Variants in ZNF764 observed in about 807,000 individuals in gnomAD.
ZNF764 encodes zinc finger protein 764.
A neutral mutation model predicts 13.9 loss-of-function variants in ZNF764; 10 were observed. The observed-to-expected ratio is 0.72, with a 90% CI of 0.44 to 1.22. ZNF764 has a LOEUF of 1.22. Ranked by LOEUF, ZNF764 falls within the 50% of genes most tolerant of loss-of-function variation. The pLI, the probability that ZNF764 is intolerant of heterozygous loss-of-function variation, is 0.00. For synonymous variants in ZNF764, 313 were observed against 255.1 expected (o/e 1.23, Z -2.16); for missense variants, 647 against 589.7 (o/e 1.10, Z -1.01).
chr16:30,556,639 G>A (rs2051558720), intron 2 of ZNF764, among the ~76,000 whole-genome samples: 1 of 151,130 alleles, frequency 6.6e-6, no homozygotes, highest in Non-Finnish European at 1.5e-5. Flanking sequence ...AGAGAAGGAG[G>A]ATCAGCCTAG....
Position 30,555,386 on chromosome 16 carries a change from G to A in ZNF764, c.1032C>T (p.Cys344=). The change falls in exon 3 of 3, where the codon TGC becomes TGT. Residue 344 remains cysteine, a synonymous_variant. Coordinates refer to ENST00000395091, the MANE Select transcript of ZNF764 (RefSeq NM_001172679.2). ...RTHSGEKPYP[C]PQCGRRFGQK... ...GGCCAAAGCGGCGGCCGCACTGCGG[G>A]CAGGGGTAGGGCTTCTCGCCGCTGT... The A allele has an allele frequency of 6.3e-7, 1 of 1,584,074 alleles. No individual in the cohort carries two copies. The highest frequency in any genetic ancestry group is 1.3e-5 in the African/African-American group (1 of 74,082).
chr16:30,555,429 G>A lies in ZNF764; in HGVS notation c.989C>T (p.Ala330Val). Residue 330 changes from alanine to valine, a missense_variant, in exon 3 of 3, where the codon GCA (alanine) becomes GTA (valine). Transcript: ENST00000395091. ...GRCFRQSSEM[A>V]AHRRTHSGEK... The stretch of plus-strand genomic sequence containing the variant: ...GCCGCTGTGGGTGCGCCTGTGGGCT[G>A]CCATCTCCGAGCTCTGGCGGAAGCA... The A allele has an allele frequency of 2.6e-6, 4 of 1,557,018 alleles. No homozygotes were observed. Among genetic ancestry groups the A allele is most frequent in the Non-Finnish European group, 3.5e-6 (4 of 1,147,322 alleles).
Position 30,555,920 on chromosome 16 carries a change from A to AG in ZNF764, c.497dup (p.Val167CysfsTer5). On this transcript the variant is annotated frameshift_variant, in exon 3 of 3. Transcript: ENST00000395091. LOFTEE classifies it low-confidence loss of function (END_TRUNC). ...CATGACGCTGGTCAGCTCGGGGGAC[A>AG]GGGGGGTGGGCACAGAGGGAGGGGC... 7.9e-7 allele frequency: 1 copy of AG among 1,266,244 alleles called. No homozygotes were observed. Among genetic ancestry groups the AG allele is most frequent in the Non-Finnish European group, 1.1e-6 (1 of 911,578 alleles). The allele number at this position is 1,266,244 out of a possible 1,614,324, so 78.4% of individuals were successfully genotyped here.
In ZNF764 at chr16:30,555,079, C is replaced by A. The variant is rs977340647; in HGVS notation, c.*115G>T. ...GCCCAAGATCAGACTGTCCGCACCCCAGGGCCAGCTCTTGCCCTAGATTCT... is the reference window on the plus strand; with the variant it reads ...GCCCAAGATCAGACTGTCCGCACCCAAGGGCCAGCTCTTGCCCTAGATTCT... On this transcript the variant is annotated 3_prime_UTR_variant, in exon 3 of 3. Transcript: ENST00000395091. The A allele has an allele frequency of 7.8e-6, 10 of 1,285,870 alleles. No homozygotes were observed. In the Admixed American group the frequency reaches 1.8e-4, roughly 23 times the overall value. 79.7% of individuals were successfully genotyped at this position (1,285,870 alleles called of 1,614,324 possible). A position where few individuals can be genotyped will look rare whatever the true frequency, so the allele number is the denominator to read the frequency against.
rs1192911310 is a variant in ZNF764 at position 30,554,926 on chromosome 16, T to A, written c.*268A>T. Reference sequence around the variant, plus strand: ...CTCAGTCCTCTTAGCACCTCTGGGCTGAGAAACAGCTTTTGGTTCCCCTTA... The same window carrying A: ...CTCAGTCCTCTTAGCACCTCTGGGCAGAGAAACAGCTTTTGGTTCCCCTTA... On this transcript the variant is annotated 3_prime_UTR_variant, in exon 3 of 3. Transcript: ENST00000395091. The A allele has an allele frequency of 2.2e-6, 1 of 459,320 alleles. No individual in the cohort carries two copies. Among genetic ancestry groups the A allele is most frequent in the East Asian group, 3.6e-5 (1 of 28,092 alleles). The allele number at this position is 459,320 out of a possible 1,614,324, so 28.5% of individuals were successfully genotyped here.
chr16:30,554,970 C>G lies in ZNF764; in HGVS notation c.*224G>C, dbSNP rs898038312. The stretch of plus-strand genomic sequence containing the variant: ...CCCCTTATGTAGGTCTGGGGGTTCT[C>G]AACTCAGCCCTGCCTCAGTAGAGGG... On this transcript the variant is annotated 3_prime_UTR_variant, in exon 3 of 3. Coordinates refer to ENST00000395091, the MANE Select transcript of ZNF764 (RefSeq NM_001172679.2). 1.3e-5 allele frequency: 7 copies of G among 542,128 alleles called. No individual in the cohort carries two copies. The highest frequency in any genetic ancestry group is 2.2e-5 in the Non-Finnish European group (7 of 318,478). The allele number at this position is 542,128 out of a possible 1,614,324, so 33.6% of individuals were successfully genotyped here. A position where few individuals can be genotyped will look rare whatever the true frequency, so the allele number is the denominator to read the frequency against.
At position 30,555,785 on chromosome 16, in the gene ZNF764, G is replaced by T; in HGVS notation, c.633C>A (p.Phe211Leu). The change falls in exon 3 of 3, where the codon TTC becomes TTA. Residue 211 changes from phenylalanine (F) to leucine (L), a missense_variant. Phe to Leu is a conservative substitution (Grantham distance 22). Coordinates refer to ENST00000395091, the MANE Select transcript of ZNF764 (RefSeq NM_001172679.2). ...GTTTGCTCAGGGAGGAAGCGTGGCC[G>T]AAGCCCTTGCCGCAGTCAGTGCAGT... ...PFHCTDCGKG[F>L]GHASSLSKHR... 1 of 1,610,084 alleles carries T rather than the reference G, an allele frequency of 6.2e-7. No individual in the cohort carries two copies. Among genetic ancestry groups the T allele is most frequent in the South Asian group, 1.1e-5 (1 of 90,886 alleles).
At position 30,555,995 on chromosome 16, in the gene ZNF764, G is replaced by C. The variant is rs1300345070; in HGVS notation, c.423C>G (p.Ala141=). 1.2e-6 allele frequency: 2 copies of C among 1,612,312 alleles called. No homozygotes were observed. Among genetic ancestry groups the C allele is most frequent in the Non-Finnish European group, 1.7e-6 (2 of 1,180,000 alleles). ...GCTGCTCCCAACCATAAGGGGGCCC[G>C]GCCGAGGGGGCTTGGGGAGACTTCA... is the stretch of plus-strand genomic sequence containing the variant. ...PGLKSPQAPS[A]GPPYGWEQLS... is the part of the protein sequence containing the mutation. Residue 141 remains alanine, a synonymous_variant, in exon 3 of 3, where the codon GCC becomes GCG. Transcript: ENST00000395091.
Position 30,557,973 on chromosome 16 carries a change from G to A in ZNF764, c.196+14C>T. ...TGGGGGCGCAGGGCTCAGGCGAGCA[G>A]GTGGGGCTCTCACCGAGAGCGCTCA... is the stretch of plus-strand genomic sequence containing the variant. On this transcript the variant is annotated intron_variant, in intron 1 of 2. Coordinates refer to ENST00000395091, the MANE Select transcript of ZNF764 (RefSeq NM_001172679.2). 6.3e-7 allele frequency: 1 copy of A among 1,592,286 alleles called. No individual in the cohort carries two copies. The highest frequency in any genetic ancestry group is 8.5e-7 in the Non-Finnish European group (1 of 1,170,248).
rs1271568307 is a variant in ZNF764, at chr16:30,555,659, G to T, written c.759C>A (p.Thr253=). The T allele has an allele frequency of 6.5e-6, 10 of 1,546,072 alleles. No homozygotes were observed. The East Asian group carries it at 2.4e-4, about 37-fold the overall frequency. The change falls in exon 3 of 3, where the codon ACC becomes ACA. Residue 253 remains threonine, a synonymous_variant. Transcript: ENST00000395091. Reference sequence around the variant, plus strand: ...CGGCGCAGCCATAGGGTTTCTCGCCGGTGTGGACGCGCAGGTGCGAAGTCA... The same window carrying T: ...CGGCGCAGCCATAGGGTTTCTCGCCTGTGTGGACGCGCAGGTGCGAAGTCA... The part of the protein sequence containing the change: ...SALTSHLRVH[T]GEKPYGCADC...
Position 30,557,781 on chromosome 16 carries a change from C to T in ZNF764, c.262G>A (p.Ala88Thr), listed in dbSNP as rs2051569500. 1.2e-6 allele frequency: 2 copies of T among 1,613,344 alleles called. No individual in the cohort carries two copies. The highest frequency in any genetic ancestry group is 2.2e-5 in the East Asian group (1 of 44,850). The part of the protein sequence containing the change: ...VEEEAELWGP[A>T]AQDPEVAKCQ... ...TTCGCCACCTCCGGATCCTGGGCAG[C>T]CGGACCCCACAGTTCGGCCTCCTCC... Residue 88 changes from alanine (A) to threonine (T), a missense_variant, in exon 2 of 3, where the codon GCT becomes ACT. Coordinates refer to ENST00000395091, the MANE Select transcript of ZNF764 (RefSeq NM_001172679.2).
At chr16:30,557,597 G>C in intron 2 of ZNF764, 136 bp downstream of exon 2, 1 of 1,314,056 alleles carries the variant, frequency 7.6e-7, no homozygotes, top group East Asian at 2.5e-5. Flanking sequence ...GCCACGCAGG[G>C]GCTCAGCCTC....
chr16:30,555,496 GGGTGCGCACGTGGCGCCGCA>G lies in ZNF764; in HGVS notation c.902_921del (p.Leu301ProfsTer109). On this transcript the variant is annotated frameshift_variant, in exon 3 of 3. Coordinates refer to ENST00000395091, the MANE Select transcript of ZNF764 (RefSeq NM_001172679.2). LOFTEE classifies it low-confidence loss of function (END_TRUNC). ...CACGGGTAGGGCTTCTCGCCGGTGT[GGGTGCGCACGTGGCGCCGCA>G]GGTCCGAGGGGTAGGCGAAGGCGCG... is the stretch of plus-strand genomic sequence containing the variant. 6.5e-7 allele frequency: 1 copy of G among 1,543,344 alleles called. No homozygotes were observed.
rs758757267 is a variant in ZNF764 at position 30,555,344 on chromosome 16, G to A, written c.1074C>T (p.Ala358=). The part of the protein sequence containing the change: ...GRRFGQKSAV[A]KHQWVHRPGA... ...CGGGCCGATGAACCCACTGGTGTTT[G>A]GCCACGGCTGACTTCTGGCCAAAGC... is the stretch of plus-strand genomic sequence containing the variant. Residue 358 remains alanine (A), a synonymous_variant, in exon 3 of 3, where the codon GCC becomes GCT. Transcript: ENST00000395091. The A allele has an allele frequency of 4.9e-5, 78 of 1,606,676 alleles. No individual in the cohort carries two copies. Among genetic ancestry groups the A allele is most frequent in the Non-Finnish European group, 6.3e-5 (74 of 1,176,820 alleles).
In ZNF764 at chr16:30,557,967, C is replaced by G; in HGVS notation, c.196+20G>C. On this transcript the variant is annotated intron_variant, in intron 1 of 2. Transcript: ENST00000395091. ...GGCCTGTGGGGGCGCAGGGCTCAGGCGAGCAGGTGGGGCTCTCACCGAGAG... is the reference window on the plus strand; with the variant it reads ...GGCCTGTGGGGGCGCAGGGCTCAGGGGAGCAGGTGGGGCTCTCACCGAGAG... 6.3e-7 allele frequency: 1 copy of G among 1,586,378 alleles called. No homozygotes were observed. Among genetic ancestry groups the G allele is most frequent in the Non-Finnish European group, 8.6e-7 (1 of 1,167,312 alleles).
rs752432179 is a variant in ZNF764 at position 30,555,407 on chromosome 16, G to C, written c.1011C>G (p.Ser337Arg). 28 of 1,564,692 alleles carry C rather than the reference G, an allele frequency of 1.8e-5. No individual in the cohort carries two copies. The highest frequency in any genetic ancestry group is 2.2e-5 in the Non-Finnish European group (25 of 1,151,462). The change falls in exon 3 of 3, where the codon AGC becomes AGG. Residue 337 changes from serine (S) to arginine (R), a missense_variant. By Grantham distance (110) the Ser-to-Arg change is moderately radical. Coordinates refer to ENST00000395091, the MANE Select transcript of ZNF764 (RefSeq NM_001172679.2). ...GCGGGCAGGGGTAGGGCTTCTCGCC[G>C]CTGTGGGTGCGCCTGTGGGCTGCCA... ...SEMAAHRRTH[S>R]GEKPYPCPQC... is the part of the protein sequence containing the mutation.
chr16:30,555,433 T>C lies in ZNF764; in HGVS notation c.985A>G (p.Met329Val). The C allele has an allele frequency of 6.4e-7, 1 of 1,551,670 alleles. No individual in the cohort carries two copies. The highest frequency in any genetic ancestry group is 8.7e-7 in the Non-Finnish European group (1 of 1,145,368). The change falls in exon 3 of 3, where the codon ATG becomes GTG. Residue 329 changes from methionine to valine, a missense_variant. Met to Val is a conservative substitution (Grantham distance 21). Coordinates refer to ENST00000395091, the MANE Select transcript of ZNF764 (RefSeq NM_001172679.2). Reference sequence around the variant, plus strand: ...CTGTGGGTGCGCCTGTGGGCTGCCATCTCCGAGCTCTGGCGGAAGCAGCGC... The same window carrying C: ...CTGTGGGTGCGCCTGTGGGCTGCCACCTCCGAGCTCTGGCGGAAGCAGCGC... ...CGRCFRQSSE[M>V]AAHRRTHSGE...
intron 2 of ZNF764, among the ~76,000 whole-genome samples, chr16:30,557,413 G>A (rs1395905315): frequency 6.6e-6 from 1 of 152,146 alleles, no homozygotes; most frequent in Non-Finnish European, 1.5e-5. Flanking sequence ...GCTACAGTGA[G>A]CTATGATGCC....
Position 30,555,737 on chromosome 16 carries a change from CT to C in ZNF764, c.680del (p.Glu227GlyfsTer19). 6.2e-7 allele frequency: 1 copy of C among 1,601,492 alleles called. No homozygotes were observed. Among genetic ancestry groups the C allele is most frequent in the Non-Finnish European group, 8.5e-7 (1 of 1,176,174 alleles). On this transcript the variant is annotated frameshift_variant, in exon 3 of 3. Coordinates refer to ENST00000395091, the MANE Select transcript of ZNF764 (RefSeq NM_001172679.2). LOFTEE classifies it low-confidence loss of function (END_TRUNC). The part of the protein sequence containing the change: ...LSKHRAIHRG[E>X]RPHRCLECGR... ...CACACTCCAGACAGCGGTGGGGCCGCTCCCCACGATGGATGGCCCGGTGTTT... is the reference window on the plus strand; with the variant it reads ...CACACTCCAGACAGCGGTGGGGCCGCCCCCACGATGGATGGCCCGGTGTTT...
Sources: allele counts gnomAD v4.1 joint callset (sites outside exome capture counted in the v4.1 genomes callset), GRCh38; gene constraint gnomAD v4.1.1; transcripts MANE v1.5; gene names NCBI Gene and HGNC (gene_info 2026-07-23, HGNC 2026-07-21).